Variants in FBXO25 observed in about 807,000 individuals in gnomAD.
FBXO25 encodes F-box only protein 25.
In FBXO25, 45 loss-of-function variants were observed where a neutral mutation model predicts 51.9. The observed-to-expected ratio is 0.87, with a 90% CI of 0.68 to 1.11. FBXO25 has a LOEUF of 1.11. Ranked by LOEUF, FBXO25 falls within the 50% of genes most tolerant of loss-of-function variation. The pLI is 0.00. For synonymous variants in FBXO25, 199 were observed against 151.0 expected, an observed-to-expected ratio of 1.32 and a Z score of -2.33; for missense variants, 507 against 428.5, an observed-to-expected ratio of 1.18 and a Z score of -1.62.
At chr8:460,404 A>G (rs1249452314) in intron 8 of FBXO25, among the ~76,000 whole-genome samples, 1 of 152,236 alleles carries the variant, frequency 6.6e-6, no homozygotes, top group African/African-American at 2.4e-5. Context: ...ACACAGCATC[A>G]GAAAATAATG....
At position 471,908 on chromosome 8, in the gene FBXO25, T is replaced by C. The variant is rs959131286; in HGVS notation, c.*3104T>C. 1.3e-5 allele frequency: 2 copies of C among 152,132 alleles called. No homozygotes were observed. Among genetic ancestry groups the C allele is most frequent in the Non-Finnish European group, 1.5e-5 (1 of 68,038 alleles). The allele number at this position is 152,132 out of a possible 1,614,324, so 9.4% of individuals were successfully genotyped here. A position where few individuals can be genotyped will look rare whatever the true frequency, so the allele number is the denominator to read the frequency against. On this transcript the variant is annotated 3_prime_UTR_variant, in exon 10 of 10. Transcript: ENST00000350302. ...AAAAAATTTAACCATCTGTGAACAG[T>C]TTTTTGCCTTAAGTGCTGCTTTTAG...
intron 4 of FBXO25, chr8:435,387 C>T (rs1317758447): frequency 7.4e-6 from 4 of 541,040 alleles, no homozygotes; most frequent in Non-Finnish European, 9.8e-6. Context: ...ATTACTTCAG[C>T]AGGTTGTAAA....
chr8:467,937 G>A (rs1463600101), intron 9 of FBXO25: 2 of 1,428,124 alleles, frequency 1.4e-6, no homozygotes, highest in Admixed American at 5.5e-5. Context: ...GAGTGTTGAT[G>A]AAATATTTTG....
intron 2 of FBXO25, among the ~76,000 whole-genome samples, chr8:430,955 C>G (rs544914029): frequency 6.6e-6 from 1 of 152,116 alleles, no homozygotes; most frequent in Non-Finnish European, 1.5e-5. Context: ...TGAGTGGTTA[C>G]TCAGCATGGG....
chr8:419,634 C>A (rs1797032006), intron 2 of FBXO25, among the ~76,000 whole-genome samples: 1 of 152,130 alleles, frequency 6.6e-6, no homozygotes, highest in South Asian at 2.1e-4. Context: ...AAAACCTGTA[C>A]AGCTCACATT....
intron 5 of FBXO25, among the ~76,000 whole-genome samples, chr8:443,842 C>T (rs1798576236): frequency 6.6e-6 from 1 of 152,032 alleles, no homozygotes; most frequent in South Asian, 2.1e-4. Flanking sequence ...AGACAATAAA[C>T]TTGAGAAGTC....
At chr8:468,542 A>T (rs1049758957) in intron 9 of FBXO25, among the ~76,000 whole-genome samples, 173 bp from the exon 10 acceptor site, 1 of 152,002 alleles carries the variant, frequency 6.6e-6, no homozygotes, top group African/African-American at 2.4e-5. Context: ...CTCTATGTAG[A>T]ATCGGCTGCG....
At position 468,931 on chromosome 8, in the gene FBXO25, C is replaced by G; in HGVS notation, c.*127C>G. On this transcript the variant is annotated 3_prime_UTR_variant, in exon 10 of 10. Coordinates refer to ENST00000350302, the MANE Select transcript of FBXO25 (RefSeq NM_183420.2). ...CTGCTTCCAGAAAGCCTGGGAAGAA[C>G]TGCCCTTCTGCAAAGGGGGGACTGC... 3 of 805,448 alleles carry G rather than the reference C, an allele frequency of 3.7e-6. No homozygotes were observed. Among genetic ancestry groups the G allele is most frequent in the Non-Finnish European group, 5.8e-6 (3 of 521,694 alleles). 49.9% of individuals were successfully genotyped at this position (805,448 alleles called of 1,614,324 possible).
intron 2 of FBXO25, among the ~76,000 whole-genome samples, chr8:427,572 A>G (rs1299017577): frequency 6.7e-6 from 1 of 149,524 alleles, no homozygotes; most frequent in Non-Finnish European, 1.5e-5. Flanking sequence ...TTAAAACCAC[A>G]GAAATGTATG....
chr8:450,363 A>C (rs1799003292), intron 6 of FBXO25, among the ~76,000 whole-genome samples: 1 of 152,228 alleles, frequency 6.6e-6, no homozygotes, highest in Admixed American at 6.5e-5. Flanking sequence ...ATGGTTAGCT[A>C]ATCACAGTTC....
chr8:468,721 G>A lies in FBXO25; in HGVS notation c.994G>A (p.Gly332Arg), dbSNP rs771571497. Residue 332 changes from glycine (G) to arginine (R), a missense_variant, in exon 10 of 10, where the codon GGA becomes AGA. Gly to Arg is a moderately radical substitution (Grantham distance 125). Coordinates refer to ENST00000350302, the MANE Select transcript of FBXO25 (RefSeq NM_183420.2). ...HCSILFWKDS[G>R]HPCTAADPDS... ...ATCTCCCACCTCCCCACAGGACTCA[G>A]GACACCCCTGCACGGCGGCCGACCC... 1.2e-6 allele frequency: 2 copies of A among 1,613,896 alleles called. No individual in the cohort carries two copies. The highest frequency in any genetic ancestry group is 2.2e-5 in the East Asian group (1 of 44,838).
chr8:446,806 T>TC (rs1798763710), intron 5 of FBXO25, among the ~76,000 whole-genome samples: 1 of 152,172 alleles, frequency 6.6e-6, no homozygotes, highest in African/African-American at 2.4e-5. Context: ...GAATGTTTTT[T>TC]CCCCCAAAGA....
intron 5 of FBXO25, among the ~76,000 whole-genome samples, chr8:448,099 T>C (rs1451865119): frequency 2.0e-5 from 3 of 151,896 alleles, no homozygotes; most frequent in Non-Finnish European, 4.4e-5. Flanking sequence ...AGAAAGAAAA[T>C]TACAGCTGAA....
chr8:458,253 G>A, intron 7 of FBXO25, 116 bp from the exon 8 acceptor site: 1 of 1,178,776 alleles, frequency 8.5e-7, no homozygotes, highest in South Asian at 1.5e-5. Flanking sequence ...ATGACATGGA[G>A]AGCTCTTTTT....
rs1416797483 is a variant in FBXO25 at position 474,895 on chromosome 8, C to T, written c.*6091C>T. The T allele has an allele frequency of 4.4e-6, 2 of 455,392 alleles. No individual in the cohort carries two copies. Among genetic ancestry groups the T allele is most frequent in the African/African-American group, 4.1e-5 (2 of 49,220 alleles). The allele number at this position is 455,392 out of a possible 1,614,324, so 28.2% of individuals were successfully genotyped here. On this transcript the variant is annotated 3_prime_UTR_variant, in exon 10 of 10. Transcript: ENST00000350302. Reference sequence around the variant, plus strand: ...CATATCTAAGAAATCACTGCCTCACCCTTTTCAGATATATCATTTTAAAAT... The same window carrying T: ...CATATCTAAGAAATCACTGCCTCACTCTTTTCAGATATATCATTTTAAAAT...
intron 5 of FBXO25, among the ~76,000 whole-genome samples, chr8:442,384 T>C (rs1333522814): frequency 1.3e-5 from 2 of 152,208 alleles, no homozygotes; most frequent in African/African-American, 2.4e-5. Flanking sequence ...TGCTGATAGT[T>C]GTACTGCACC....
rs1038583896 is a variant in FBXO25, at chr8:473,325, G to A, written c.*4521G>A. The A allele has an allele frequency of 2.0e-5, 3 of 152,306 alleles. No homozygotes were observed. Among genetic ancestry groups the A allele is most frequent in the African/African-American group, 7.2e-5 (3 of 41,452 alleles). 9.4% of individuals were successfully genotyped at this position (152,306 alleles called of 1,614,324 possible). On this transcript the variant is annotated 3_prime_UTR_variant, in exon 10 of 10. Transcript: ENST00000350302. The stretch of plus-strand genomic sequence containing the variant: ...CCTAAAAAGCCCTGGCTCACAGCAT[G>A]AGACAGTGTGTTCTAGGTGGTAACG...
intron 5 of FBXO25, 116 bp downstream of exon 5, chr8:435,823 C>G: frequency 7.0e-7 from 1 of 1,436,062 alleles, no homozygotes; most frequent in Non-Finnish European, 9.3e-7. Context: ...TGCCTGTTTG[C>G]TGCGTATTAA....
rs558203223 is a variant in FBXO25 at position 438,909 on chromosome 8, T to C, written c.381+3202T>C. Reference sequence around the variant, plus strand: ...TGCCAGTGGCCACGTGTTTAAGTTGTCTGCGTCCCCATCCCAGTTGAGCCC... The same window carrying C: ...TGCCAGTGGCCACGTGTTTAAGTTGCCTGCGTCCCCATCCCAGTTGAGCCC... On this transcript the variant is annotated intron_variant, in intron 5 of 9. Coordinates refer to ENST00000350302, the MANE Select transcript of FBXO25 (RefSeq NM_183420.2). 5.3e-5 allele frequency among the ~76,000 whole-genome samples: 8 copies of C among 152,312 alleles called. No homozygotes were observed. In the East Asian group the frequency reaches 1.5e-3, roughly 29 times the overall value.
Sources: gnomAD v4.1 joint callset for allele counts (sites outside exome capture counted in the v4.1 genomes callset) on GRCh38, gnomAD v4.1.1 for gene constraint, MANE v1.5 for transcripts, NCBI Gene and HGNC (gene_info 2026-07-23, HGNC 2026-07-21) for gene names.